The following PEX7 variants were observed in gnomAD, a reference collection of about 807,000 sequenced individuals.
PEX7 encodes the protein peroxisomal biogenesis factor 7, also known as PTS2 receptor.
PEX7 carries 34 observed loss-of-function variants against 47.5 expected under a neutral mutation model. The ratio of observed to expected loss-of-function variants is 0.72; its 90% CI spans 0.54 to 0.95. The LOEUF is 0.95. Among genes scored for constraint, PEX7 ranks in the 40% least tolerant of loss-of-function variants. PEX7 has a pLI of 0.00. For synonymous variants in PEX7, 141 were observed against 148.8 expected (o/e 0.95, Z 0.38); for missense variants, 394 against 400.3 (o/e 0.98, Z 0.13).
intron 8 of PEX7, among the ~76,000 whole-genome samples, chr6:136,874,196 G>A (rs1026372809): frequency 1.3e-5 from 2 of 152,142 alleles, no homozygotes; most frequent in South Asian, 2.1e-4. Flanking sequence ...AGGCTATTTG[G>A]TCTTTGAATC....
chr6:136,900,624 G>A lies in PEX7; in HGVS notation c.903+2383G>A, dbSNP rs1456038374. On this transcript the variant is annotated intron_variant, in intron 9 of 9. Coordinates refer to ENST00000318471, the MANE Select transcript of PEX7 (RefSeq NM_000288.4). This position sits in a 1 kb window ranked among gnomAD's most constrained non-coding sequence, Gnocchi z 4.2. ...CCAGTCTTGCCTTTCCCTTGACAGC[G>A]CAGTCAGGGACCCCCATTTTATGAG... The A allele has an allele frequency of 2.3e-5, 8 of 342,390 alleles. No homozygotes were observed. Among genetic ancestry groups the A allele is most frequent in the South Asian group, 4.7e-5 (2 of 42,230 alleles). 21.2% of individuals were successfully genotyped at this position (342,390 alleles called of 1,614,324 possible). A position where few individuals can be genotyped will look rare whatever the true frequency, so the allele number is the denominator to read the frequency against.
intron 8 of PEX7, among the ~76,000 whole-genome samples, chr6:136,875,310 T>C (rs914604505): frequency 6.6e-6 from 1 of 152,118 alleles, no homozygotes; most frequent in African/African-American, 2.4e-5. Flanking sequence ...TTTTTTCTGG[T>C]TATTATTCAA....
intron 8 of PEX7, among the ~76,000 whole-genome samples, chr6:136,879,169 T>G (rs1360121294): frequency 6.6e-6 from 1 of 152,164 alleles, no homozygotes; most frequent in Non-Finnish European, 1.5e-5. Flanking sequence ...ATATTTTTAC[T>G]TAGTTTCTAC....
intron 8 of PEX7, among the ~76,000 whole-genome samples, chr6:136,888,646 G>A (rs1775507269): frequency 6.6e-6 from 1 of 152,072 alleles, no homozygotes; most frequent in South Asian, 2.1e-4. Context: ...CTGATGACAG[G>A]GTAGGACTTG....
chr6:136,841,494 C>G (rs1474751016), intron 3 of PEX7, among the ~76,000 whole-genome samples: 1 of 152,176 alleles, frequency 6.6e-6, no homozygotes. Flanking sequence ...TTAGCCAGCC[C>G]TCAGGGCCCT....
At chr6:136,873,069 T>G (rs1775209811) in intron 8 of PEX7, among the ~76,000 whole-genome samples, 1 of 152,198 alleles carries the variant, frequency 6.6e-6, no homozygotes, top group South Asian at 2.1e-4. Context: ...TTTCTGTTTG[T>G]ATTCAATTTT....
rs186206384 is a variant in PEX7, at chr6:136,863,711, C to T, written c.527-2916C>T. On this transcript the variant is annotated intron_variant, in intron 5 of 9. Coordinates refer to ENST00000318471, the MANE Select transcript of PEX7 (RefSeq NM_000288.4). ...TTGCTTGAGCTCGGGAGCTGGAAACCAGCCTGGACAACATGGCAAAACCCC... is the reference window on the plus strand; with the variant it reads ...TTGCTTGAGCTCGGGAGCTGGAAACTAGCCTGGACAACATGGCAAAACCCC... Among the ~76,000 whole-genome samples, 5 of 152,132 alleles carry T rather than the reference C, an allele frequency of 3.3e-5. No individual in the cohort carries two copies. The East Asian group carries it at 9.7e-4, about 29-fold the overall frequency.
At position 136,900,462 on chromosome 6, in the gene PEX7, G is replaced by T. The variant is rs1775733937; in HGVS notation, c.903+2221G>T. ...CCACAGACTTGGGACCAAGGACATT[G>T]CCCCCCCAGTGACAGCAGATCTCAT... On this transcript the variant is annotated intron_variant, in intron 9 of 9. Coordinates refer to ENST00000318471, the MANE Select transcript of PEX7 (RefSeq NM_000288.4). The surrounding 1 kb of genome is among the most constrained non-coding windows in gnomAD (Gnocchi z 4.2). The T allele has an allele frequency of 4.4e-6, 2 of 456,818 alleles. No homozygotes were observed. Among genetic ancestry groups the T allele is most frequent in the African/African-American group, 2.0e-5 (1 of 50,312 alleles). 28.3% of individuals were successfully genotyped at this position (456,818 alleles called of 1,614,324 possible). A position where few individuals can be genotyped will look rare whatever the true frequency, so the allele number is the denominator to read the frequency against.
chr6:136,841,462 C>A (rs1774495674), intron 3 of PEX7, among the ~76,000 whole-genome samples: 1 of 152,220 alleles, frequency 6.6e-6, no homozygotes. Context: ...TGTTTCACCT[C>A]TGCTTTTTGC....
intron 3 of PEX7, among the ~76,000 whole-genome samples, chr6:136,841,555 C>T (rs969086261): frequency 2.0e-5 from 3 of 152,066 alleles, no homozygotes; most frequent in Admixed American, 1.3e-4. Flanking sequence ...TCCAAGCACC[C>T]CTTTTGTACT....
At chr6:136,889,575 A>G (rs1388827049) in intron 8 of PEX7, among the ~76,000 whole-genome samples, 1 of 152,238 alleles carries the variant, frequency 6.6e-6, no homozygotes, top group Non-Finnish European at 1.5e-5. Context: ...GACTTTCTAA[A>G]TTAATTTGCA....
intron 1 of PEX7, chr6:136,823,415 C>T (rs915915253): frequency 8.6e-6 from 8 of 931,148 alleles, no homozygotes; most frequent in Non-Finnish European, 1.0e-5. Flanking sequence ...TGTCTCCCGT[C>T]GCGCGCATTG....
chr6:136,868,694 AGTTGC>A (rs1775117664), intron 6 of PEX7, among the ~76,000 whole-genome samples: 1 of 151,148 alleles, frequency 6.6e-6, no homozygotes, highest in Admixed American at 6.6e-5. Flanking sequence ...GTGCAAGAGT[AGTTGC>A]AGTTTTTGCC....
chr6:136,898,715 G>C (rs1775696128), intron 9 of PEX7, among the ~76,000 whole-genome samples: 1 of 152,124 alleles, frequency 6.6e-6, no homozygotes, highest in South Asian at 2.1e-4. Context: ...AAAATAGAAT[G>C]TCTGCTATTT....
chr6:136,908,685 C>A (rs938525990), intron 9 of PEX7, among the ~76,000 whole-genome samples: 1 of 152,118 alleles, frequency 6.6e-6, no homozygotes, highest in African/African-American at 2.4e-5. Flanking sequence ...ACAAGAGATA[C>A]CCCAGCCTTC....
chr6:136,874,299 G>A (rs933677655), intron 8 of PEX7, among the ~76,000 whole-genome samples: 1 of 152,176 alleles, frequency 6.6e-6, no homozygotes, highest in Non-Finnish European at 1.5e-5. Flanking sequence ...AAGTGAGTCT[G>A]TTTAAACTTT....
At chr6:136,843,889 C>T (rs1562733849) in intron 3 of PEX7, among the ~76,000 whole-genome samples, 1 of 152,028 alleles carries the variant, frequency 6.6e-6, no homozygotes, top group Non-Finnish European at 1.5e-5. Context: ...GAGGCACTCA[C>T]TCTAGGTACA....
At chr6:136,872,398 TTATATTTTTC>T in intron 8 of PEX7, 145 bp downstream of exon 8, 1 of 685,102 alleles carries the variant, frequency 1.5e-6, no homozygotes, top group Non-Finnish European at 2.5e-6. Flanking sequence ...AGGATTAATA[TTATATTTTTC>T]CTGTTTTCGT....
At chr6:136,873,903 T>TA (rs1582762584) in intron 8 of PEX7, among the ~76,000 whole-genome samples, 1 of 152,192 alleles carries the variant, frequency 6.6e-6, no homozygotes, top group East Asian at 1.9e-4. Flanking sequence ...TTTTTCTTCT[T>TA]AGAGATATGG....
Sources: gnomAD v4.1 joint callset for allele counts (sites outside exome capture counted in the v4.1 genomes callset) on GRCh38, gnomAD v4.1.1 for gene constraint, Gnocchi (gnomAD v3.1) non-coding constraint, MANE v1.5 for transcripts, NCBI Gene and HGNC (gene_info 2026-07-23, HGNC 2026-07-21) for gene names.